Variants in KRT8 observed in about 807,000 individuals in gnomAD.
The protein encoded by KRT8 is keratin 8.
A neutral mutation model predicts 43.0 loss-of-function variants in KRT8; 24 were observed. The ratio of observed to expected loss-of-function variants is 0.56; its 90% CI spans 0.40 to 0.78. The LOEUF (loss-of-function observed/expected upper bound fraction) is 0.78, where lower values mean the gene tolerates loss of function less well. Ranked by LOEUF, KRT8 falls within the 30% of genes least tolerant of loss-of-function variation. KRT8 has a pLI of 0.00. For synonymous variants in KRT8, 214 were observed against 261.2 expected (o/e 0.82, Z 1.74); for missense variants, 492 against 638.4 (o/e 0.77, Z 2.47).
chr12:52,935,979 C>T (rs1439954893), intron 2 of KRT8, among the ~76,000 whole-genome samples: 5 of 152,104 alleles, frequency 3.3e-5, no homozygotes, highest in East Asian at 1.9e-4. Flanking sequence ...TAAGGCTGGG[C>T]GAGGTGGCTA....
exon 6 of KRT8, chr12:52,898,679 C>A (rs375020580): frequency 3.7e-5 from 59 of 1,614,092 alleles, no homozygotes; most frequent in Non-Finnish European, 4.3e-5. Context: ...CCACACCCAC[C>A]GGCTCTCCTC....
chr12:52,931,071 CTT>C (rs796664998), intron 2 of KRT8, among the ~76,000 whole-genome samples: 18 of 146,028 alleles, frequency 1.2e-4, no homozygotes, highest in South Asian at 2.2e-4. Context: ...CCCCCAGATT[CTT>C]TTTTTTTTTT....
intron 2 of KRT8, among the ~76,000 whole-genome samples, chr12:52,913,567 C>A (rs961954277): frequency 1.3e-5 from 2 of 152,022 alleles, no homozygotes; most frequent in Admixed American, 6.6e-5. Context: ...GAACAAACAG[C>A]CTCACAGGCC....
At chr12:52,922,097 T>C (rs1193247281) in intron 2 of KRT8, among the ~76,000 whole-genome samples, 1 of 142,626 alleles carries the variant, frequency 7.0e-6, no homozygotes. Context: ...AGAGGATAAC[T>C]GGAGCCCAAG....
At chr12:52,949,058 C>T in intron 2 of KRT8, 1 of 1,017,774 alleles carries the variant, frequency 9.8e-7, no homozygotes, top group Non-Finnish European at 1.5e-6. Flanking sequence ...TCCGAAGCGG[C>T]TCCGGGGCGG....
At chr12:52,906,398 C>T, upstream of KRT8, 1 of 273,740 alleles carries the variant, frequency 3.7e-6, no homozygotes, top group Non-Finnish European at 7.3e-6. Flanking sequence ...ACTCGTGGTG[C>T]TACCTGGACC....
At chr12:52,928,146 A>C (rs892499329) in intron 2 of KRT8, among the ~76,000 whole-genome samples, 1 of 152,166 alleles carries the variant, frequency 6.6e-6, no homozygotes. Flanking sequence ...CTGGGAAGTG[A>C]GTAGATTGGA....
At chr12:52,900,545 AC>A in intron 4 of KRT8, 42 bp downstream of exon 4, 1 of 1,319,304 alleles carries the variant, frequency 7.6e-7, no homozygotes, top group Non-Finnish European at 1.1e-6. Flanking sequence ...GGAGGCGCTG[AC>A]AAGGCTGGGG....
In KRT8 at chr12:52,901,144, G is replaced by T. The variant is rs1565717548; in HGVS notation, c.594+15C>A. ...AGCCTCCAGTGTCCAGATAGGAGAA[G>T]GGAGACTCCCTCACCTTCTTGATGA... On this transcript the variant is annotated intron_variant, in intron 3 of 7. Coordinates refer to ENST00000692008, the Ensembl canonical transcript of KRT8. 1.3e-6 allele frequency: 2 copies of T among 1,587,488 alleles called. No homozygotes were observed. Among genetic ancestry groups the T allele is most frequent in the Non-Finnish European group, 1.7e-6 (2 of 1,155,750 alleles).
At chr12:52,918,778 C>T (rs1941828436) in intron 2 of KRT8, among the ~76,000 whole-genome samples, 1 of 152,124 alleles carries the variant, frequency 6.6e-6, no homozygotes, top group Admixed American at 6.6e-5. Context: ...CCAGCCTTTC[C>T]CAAAGCCTTT....
rs559539897 is a variant in KRT8 at position 52,939,327 on chromosome 12, G to T, written c.-47+10129C>A. 2.0e-5 allele frequency among the ~76,000 whole-genome samples: 3 copies of T among 151,982 alleles called. No homozygotes were observed. The South Asian group carries it at 6.2e-4, about 32-fold the overall frequency. ...TCGACACCAGCCTGGCCAACATGGT[G>T]AAACTGTCTCTAGTAAAAATAGAAA... On this transcript the variant is annotated intron_variant, in intron 2 of 6. Coordinates refer to the KRT8 transcript ENST00000546826.
At chr12:52,923,550 G>A (rs1941928837) in intron 2 of KRT8, among the ~76,000 whole-genome samples, 1 of 152,042 alleles carries the variant, frequency 6.6e-6, no homozygotes, top group Non-Finnish European at 1.5e-5. Flanking sequence ...CTCCCGAGTA[G>A]CTGGGACTAC....
At chr12:52,916,999 C>T (rs1405203649) in intron 2 of KRT8, among the ~76,000 whole-genome samples, 1 of 152,024 alleles carries the variant, frequency 6.6e-6, no homozygotes, top group African/African-American at 2.4e-5. Flanking sequence ...TCGGTGTGAC[C>T]CAAGGGATAT....
At chr12:52,916,162 G>C (rs1941736212) in intron 2 of KRT8, among the ~76,000 whole-genome samples, 1 of 152,184 alleles carries the variant, frequency 6.6e-6, no homozygotes, top group Non-Finnish European at 1.5e-5. Context: ...CAGGCTGCAG[G>C]AAGGGAGGAG....
chr12:52,900,066 C>T lies in KRT8; in HGVS notation c.691-1G>A. ...TCTGGGACTGCAGCTCCCGGATCTC[C>T]TGTGGGGGAAGAGGGCAAGTGGTGA... is the stretch of plus-strand genomic sequence containing the variant. On this transcript the variant is annotated splice_acceptor_variant, in intron 4 of 7. Transcript: ENST00000692008. LOFTEE classifies it high-confidence loss of function. 1 of 1,612,282 alleles carries T rather than the reference C, an allele frequency of 6.2e-7. No individual in the cohort carries two copies. Among genetic ancestry groups the T allele is most frequent in the Non-Finnish European group, 8.5e-7 (1 of 1,180,000 alleles).
chr12:52,942,381 C>T (rs1430483625), intron 2 of KRT8, among the ~76,000 whole-genome samples: 2 of 152,210 alleles, frequency 1.3e-5, no homozygotes, highest in East Asian at 3.8e-4. Flanking sequence ...ATCTGTCCAA[C>T]TCCAAAATCT....
At chr12:52,923,713 C>A (rs181581291) in intron 2 of KRT8, among the ~76,000 whole-genome samples, 2 of 151,370 alleles carry the variant, frequency 1.3e-5, no homozygotes, top group African/African-American at 2.4e-5. Flanking sequence ...CCACCACGCC[C>A]GGCTCTAAAT....
intron 2 of KRT8, among the ~76,000 whole-genome samples, chr12:52,942,145 C>T (rs1942277779): frequency 6.6e-6 from 1 of 152,134 alleles, no homozygotes; most frequent in Admixed American, 6.6e-5. Context: ...GTGAACTAAA[C>T]CGACAGCCTT....
At chr12:52,897,677 T>G in intron 7 of KRT8, 59 bp from the exon 8 acceptor site, 2 of 1,596,592 alleles carry the variant, frequency 1.3e-6, no homozygotes, top group South Asian at 2.2e-5. Context: ...GCAGGCTCCA[T>G]GCCCCTTCTC....
Sources: allele counts gnomAD v4.1 joint callset (sites outside exome capture counted in the v4.1 genomes callset), GRCh38; gene constraint gnomAD v4.1.1; transcripts MANE v1.5; gene names NCBI Gene and HGNC (gene_info 2026-07-23, HGNC 2026-07-21).